DCANP1: variants seen among roughly 807,000 people sequenced by gnomAD.
DCANP1 encodes the protein dendritic cell associated nuclear protein 1.
For missense variants in DCANP1, 328 were observed against 293.7 expected (o/e 1.12, Z -0.85); for synonymous variants, 139 against 124.2 (o/e 1.12, Z -0.79).
chr5:135,446,967 T>C lies in DCANP1; in HGVS notation c.142A>G (p.Asn48Asp). The C allele has an allele frequency of 6.2e-7, 1 of 1,612,980 alleles. No individual in the cohort carries two copies. ...PGCHSPAPPE[N>D]FGNELLPLSA... ...AGGGGCAGCAGCTCATTCCCAAAGTTCTCTGGTGGAGCTGGGGAGTGGCAC... is the reference window on the plus strand; with the variant it reads ...AGGGGCAGCAGCTCATTCCCAAAGTCCTCTGGTGGAGCTGGGGAGTGGCAC... The change falls in exon 1 of 1, where the codon AAC becomes GAC. Residue 48 changes from asparagine to aspartate, a missense_variant. Physicochemically the swap from Asn to Asp is conservative, Grantham distance 23. Transcript: ENST00000503143.
In DCANP1 at chr5:135,444,262, C is replaced by T. The variant is rs1769213359; in HGVS notation, c.*2112G>A. The stretch of plus-strand genomic sequence containing the variant: ...TCACTTTAATCCGCCTGTGAGTTCA[C>T]GTTAAAGGTAAGAGGAATCACAGCC... On this transcript the variant is annotated 3_prime_UTR_variant, in exon 1 of 1. Transcript: ENST00000503143. 1 of 152,164 alleles carries T rather than the reference C, an allele frequency of 6.6e-6. No individual in the cohort carries two copies. The allele number at this position is 152,164 out of a possible 1,614,324, so 9.4% of individuals were successfully genotyped here.
Position 135,446,306 on chromosome 5 carries a change from A to G in DCANP1, c.*68T>C. 1 of 1,522,450 alleles carries G rather than the reference A, an allele frequency of 6.6e-7. No individual in the cohort carries two copies. Among genetic ancestry groups the G allele is most frequent in the Non-Finnish European group, 8.8e-7 (1 of 1,133,480 alleles). The allele number at this position is 1,522,450 out of a possible 1,614,324, so 94.3% of individuals were successfully genotyped here. The stretch of plus-strand genomic sequence containing the variant: ...AGGGCCCTAGCTGGGAGCAGCGTTC[A>G]TGTGCACTGTATGTTCGTGTTTAGT... On this transcript the variant is annotated 3_prime_UTR_variant, in exon 1 of 1. Transcript: ENST00000503143.
At position 135,447,209 on chromosome 5, in the gene DCANP1, C is replaced by A; in HGVS notation, c.-101G>T. 1 of 1,436,998 alleles carries A rather than the reference C, an allele frequency of 7.0e-7. No individual in the cohort carries two copies. Among genetic ancestry groups the A allele is most frequent in the Non-Finnish European group, 9.6e-7 (1 of 1,037,094 alleles). The allele number at this position is 1,436,998 out of a possible 1,614,324, so 89.0% of individuals were successfully genotyped here. A position where few individuals can be genotyped will look rare whatever the true frequency, so the allele number is the denominator to read the frequency against. On this transcript the variant is annotated 5_prime_UTR_variant, in exon 1 of 1. An upstream open reading frame in the 5' UTR gains an earlier in-frame stop. Coordinates refer to ENST00000503143, the MANE Select transcript of DCANP1 (RefSeq NM_130848.3). ...CTTGCCAGCCCTACCAGGGCATCTC[C>A]CATTATACTAACCCTGCCTATTGGA...
In DCANP1 at chr5:135,446,390, G is replaced by T. The variant is rs751958565; in HGVS notation, c.719C>A (p.Ala240Asp). The T allele has an allele frequency of 2.5e-6, 4 of 1,604,276 alleles. No individual in the cohort carries two copies. The change falls in exon 1 of 1, where the codon GCC becomes GAC. Residue 240 changes from alanine to aspartate, a missense_variant. Coordinates refer to ENST00000503143, the MANE Select transcript of DCANP1 (RefSeq NM_130848.3). ...CACACATGTTCACTCAGGCACGTGG[G>T]CTGCCCTGCGGTGGGAGCTGAGAGA... ...LHSLSSHRRA[A>D]HVPE
rs1049930834 is a variant in DCANP1 at position 135,445,198 on chromosome 5, T to G, written c.*1176A>C. On this transcript the variant is annotated 3_prime_UTR_variant, in exon 1 of 1. Transcript: ENST00000503143. ...GACTGAGAACTGTCTCTCTGTGACATGCACCCTGTCAAATCCATAAACCTT... is the reference window on the plus strand; with the variant it reads ...GACTGAGAACTGTCTCTCTGTGACAGGCACCCTGTCAAATCCATAAACCTT... The G allele has an allele frequency of 6.6e-6, 1 of 152,182 alleles. No homozygotes were observed. Among genetic ancestry groups the G allele is most frequent in the African/African-American group, 2.4e-5 (1 of 41,422 alleles). The allele number at this position is 152,182 out of a possible 1,614,324, so 9.4% of individuals were successfully genotyped here.
rs567158390 is a variant in DCANP1 at position 135,446,251 on chromosome 5, G to A, written c.*123C>T. On this transcript the variant is annotated 3_prime_UTR_variant, in exon 1 of 1. Coordinates refer to ENST00000503143, the MANE Select transcript of DCANP1 (RefSeq NM_130848.3). Reference sequence around the variant, plus strand: ...CTATAGTAAGTGGGGGTGGGGACAAGAATTCTAACCCAGGCAGCAGTCTGA... The same window carrying A: ...CTATAGTAAGTGGGGGTGGGGACAAAAATTCTAACCCAGGCAGCAGTCTGA... The A allele has an allele frequency of 1.6e-6, 2 of 1,249,826 alleles. No individual in the cohort carries two copies. The highest frequency in any genetic ancestry group is 3.0e-5 in the African/African-American group (2 of 66,470). The allele number at this position is 1,249,826 out of a possible 1,614,324, so 77.4% of individuals were successfully genotyped here.
Position 135,447,180 on chromosome 5 carries a change from TCTC to T in DCANP1, c.-75_-73del. 4 of 1,592,306 alleles carry T rather than the reference TCTC, an allele frequency of 2.5e-6. No individual in the cohort carries two copies. The highest frequency in any genetic ancestry group is 2.2e-5 in the East Asian group (1 of 44,748). ...TCAGACCAAAATACATGTGGCTTCTTCTCCTTGCCAGCCCTACCAGGGCATCTC... is the reference window on the plus strand; with the variant it reads ...TCAGACCAAAATACATGTGGCTTCTTCTTGCCAGCCCTACCAGGGCATCTC... On this transcript the variant is annotated 5_prime_UTR_variant, in exon 1 of 1. Coordinates refer to ENST00000503143, the MANE Select transcript of DCANP1 (RefSeq NM_130848.3).
At position 135,447,110 on chromosome 5, in the gene DCANP1, G is replaced by A. The variant is rs377763391; in HGVS notation, c.-2C>T. ...GTGGGTTGCTGCTCCGTAATGCATA[G>A]TTGGGGGACCATTTTGGTCAGTGAC... is the stretch of plus-strand genomic sequence containing the variant. On this transcript the variant is annotated 5_prime_UTR_variant, in exon 1 of 1. Transcript: ENST00000503143. The A allele has an allele frequency of 3.7e-6, 6 of 1,613,912 alleles. No individual in the cohort carries two copies. The African/African-American group carries it at 5.3e-5, about 14-fold the overall frequency.
chr5:135,446,520 G>A, the DCANP1 span: 45 of 1,613,870 alleles, frequency 2.8e-5, no homozygotes, highest in Non-Finnish European at 3.6e-5. Flanking sequence ...AAGCCAGCCT[G>A]ACGGTTCCAG....
chr5:135,446,448 G>C lies in DCANP1; in HGVS notation c.661C>G (p.Arg221Gly). ...GGAGGTTGTTGGGAGGAACTCACCCGCCTGCTCTGGCTGTCTGAGCAGGTG... is the reference window on the plus strand; with the variant it reads ...GGAGGTTGTTGGGAGGAACTCACCCCCCTGCTCTGGCTGTCTGAGCAGGTG... ...SLTCSDSQSR[R>G]VSSSQQPPLH... The change falls in exon 1 of 1, where the codon CGG (arginine) becomes GGG (glycine). Residue 221 changes from arginine to glycine, a missense_variant. Physicochemically the swap from Arg to Gly is moderately radical, Grantham distance 125. Transcript: ENST00000503143. 1.2e-6 allele frequency: 2 copies of C among 1,613,160 alleles called. No individual in the cohort carries two copies. Among genetic ancestry groups the C allele is most frequent in the Middle Eastern group, 1.7e-4 (1 of 6,060 alleles).
At position 135,446,213 on chromosome 5, in the gene DCANP1, C is replaced by G. The variant is rs1769255875; in HGVS notation, c.*161G>C. ...GCACGGAGAGATTCAGTTACTTGTC[C>G]AGGATCACAGAACTATAGTAAGTGG... is the stretch of plus-strand genomic sequence containing the variant. On this transcript the variant is annotated 3_prime_UTR_variant, in exon 1 of 1. Coordinates refer to ENST00000503143, the MANE Select transcript of DCANP1 (RefSeq NM_130848.3). 1.2e-6 allele frequency: 1 copy of G among 856,610 alleles called. No homozygotes were observed. Among genetic ancestry groups the G allele is most frequent in the Non-Finnish European group, 1.8e-6 (1 of 563,870 alleles). 53.1% of individuals were successfully genotyped at this position (856,610 alleles called of 1,614,324 possible). A position where few individuals can be genotyped will look rare whatever the true frequency, so the allele number is the denominator to read the frequency against.
In DCANP1 at chr5:135,446,831, A is replaced by G. The variant is rs1432588260; in HGVS notation, c.278T>C (p.Leu93Pro). ...EGAVQFLHRGLCNSNLSSEAS... is the reference protein window; with the variant it reads ...EGAVQFLHRGPCNSNLSSEAS... ...TTCACTCGAAAGATTGGAGTTGCAGAGTCCCCTGTGGAGGAATTGAACTGC... is the reference window on the plus strand; with the variant it reads ...TTCACTCGAAAGATTGGAGTTGCAGGGTCCCCTGTGGAGGAATTGAACTGC... The change falls in exon 1 of 1, where the codon CTC becomes CCC. Residue 93 changes from leucine (L) to proline (P), a missense_variant. Transcript: ENST00000503143. 2 of 1,613,932 alleles carry G rather than the reference A, an allele frequency of 1.2e-6. No individual in the cohort carries two copies. The highest frequency in any genetic ancestry group is 4.5e-5 in the East Asian group (2 of 44,876).
Position 135,445,616 on chromosome 5 carries a change from A to C in DCANP1, c.*758T>G, listed in dbSNP as rs1020126069. The C allele has an allele frequency of 6.6e-6, 1 of 152,328 alleles. No homozygotes were observed. Among genetic ancestry groups the C allele is most frequent in the Non-Finnish European group, 1.5e-5 (1 of 68,172 alleles). The allele number at this position is 152,328 out of a possible 1,614,324, so 9.4% of individuals were successfully genotyped here. On this transcript the variant is annotated 3_prime_UTR_variant, in exon 1 of 1. Coordinates refer to ENST00000503143, the MANE Select transcript of DCANP1 (RefSeq NM_130848.3). ...CTCTGGAAAGGCCACCGGGAACACAAGAGCCAACAACCCATGGCCTTTGTC... is the reference window on the plus strand; with the variant it reads ...CTCTGGAAAGGCCACCGGGAACACACGAGCCAACAACCCATGGCCTTTGTC...
At position 135,446,884 on chromosome 5, in the gene DCANP1, G is replaced by T; in HGVS notation, c.225C>A (p.Thr75=). The change falls in exon 1 of 1, where the codon ACC becomes ACA. Residue 75 remains threonine, a synonymous_variant. Transcript: ENST00000503143. ...CCTCTCGCAGGACCCCAGCTGGCAA[G>T]GTTTTGTTCCTCCCTGGAGGGTAGA... ...EGLYPPGRNK[T]LPAGVLREGA... 1.9e-6 allele frequency: 3 copies of T among 1,613,826 alleles called. No individual in the cohort carries two copies. In the African/African-American group the frequency reaches 4.0e-5, roughly 22 times the overall value.
Position 135,447,202 on chromosome 5 carries a change from G to A in DCANP1, c.-94C>T, listed in dbSNP as rs1769285237. ...TCTTCTCCTTGCCAGCCCTACCAGG[G>A]CATCTCCCATTATACTAACCCTGCC... On this transcript the variant is annotated 5_prime_UTR_variant, in exon 1 of 1. Coordinates refer to ENST00000503143, the MANE Select transcript of DCANP1 (RefSeq NM_130848.3). 3 of 1,508,962 alleles carry A rather than the reference G, an allele frequency of 2.0e-6. No homozygotes were observed. Among genetic ancestry groups the A allele is most frequent in the South Asian group, 2.4e-5 (2 of 83,602 alleles). The allele number at this position is 1,508,962 out of a possible 1,614,324, so 93.5% of individuals were successfully genotyped here.
chr5:135,447,095 G>A lies in DCANP1; in HGVS notation c.14C>T (p.Ala5Val). MHYG[A>V]ATHIQNSRSH... ...TCTCGAGTTCTGTATGTGGGTTGCT[G>A]CTCCGTAATGCATAGTTGGGGGACC... is the stretch of plus-strand genomic sequence containing the variant. The change falls in exon 1 of 1, where the codon GCA becomes GTA. Residue 5 changes from alanine to valine, a missense_variant. Ala to Val is a moderately conservative substitution (Grantham distance 64). Transcript: ENST00000503143. 1 of 1,614,048 alleles carries A rather than the reference G, an allele frequency of 6.2e-7. No homozygotes were observed. The highest frequency in any genetic ancestry group is 8.5e-7 in the Non-Finnish European group (1 of 1,179,904).
At position 135,446,371 on chromosome 5, in the gene DCANP1, T is replaced by A; in HGVS notation, c.*3A>T. The A allele has an allele frequency of 6.3e-7, 1 of 1,594,888 alleles. No individual in the cohort carries two copies. On this transcript the variant is annotated 3_prime_UTR_variant, in exon 1 of 1. Coordinates refer to ENST00000503143, the MANE Select transcript of DCANP1 (RefSeq NM_130848.3). ...ACTTGCGTGTGTGCACACGCACACATGTTCACTCAGGCACGTGGGCTGCCC... is the reference window on the plus strand; with the variant it reads ...ACTTGCGTGTGTGCACACGCACACAAGTTCACTCAGGCACGTGGGCTGCCC...
In DCANP1 at chr5:135,447,305, C is replaced by G. The variant is rs1014306949; in HGVS notation, c.-197G>C. On this transcript the variant is annotated 5_prime_UTR_variant, in exon 1 of 1. Coordinates refer to ENST00000503143, the MANE Select transcript of DCANP1 (RefSeq NM_130848.3). ...CCAGGTCCGTGGCTACAACTAAATC[C>G]CTAGTTGGGGAATCACAGAGCACAG... The G allele has an allele frequency of 1.5e-6, 1 of 660,176 alleles. No individual in the cohort carries two copies. The highest frequency in any genetic ancestry group is 2.9e-5 in the Admixed American group (1 of 34,016). The allele number at this position is 660,176 out of a possible 1,614,324, so 40.9% of individuals were successfully genotyped here.
rs1268074241 is a variant in DCANP1, at chr5:135,444,925, G to A, written c.*1449C>T. The A allele has an allele frequency of 1.3e-5, 2 of 152,482 alleles. No homozygotes were observed. Among genetic ancestry groups the A allele is most frequent in the African/African-American group, 4.8e-5 (2 of 41,460 alleles). 9.4% of individuals were successfully genotyped at this position (152,482 alleles called of 1,614,324 possible). On this transcript the variant is annotated 3_prime_UTR_variant, in exon 1 of 1. Coordinates refer to ENST00000503143, the MANE Select transcript of DCANP1 (RefSeq NM_130848.3). ...CATCACGTTCTCAGTCCTTTCCTGTGTGGATGGAGTGTTGGCACAGTGAGG... is the reference window on the plus strand; with the variant it reads ...CATCACGTTCTCAGTCCTTTCCTGTATGGATGGAGTGTTGGCACAGTGAGG...
Sources: gnomAD v4.1 joint callset for allele counts on GRCh38, gnomAD v4.1.1 for gene constraint, MANE v1.5 for transcripts, NCBI Gene and HGNC (gene_info 2026-07-23, HGNC 2026-07-21) for gene names.